RTN4: variants seen among roughly 807,000 people sequenced by gnomAD.
RTN4 encodes reticulon-4.
A neutral mutation model predicts 90.4 loss-of-function variants in RTN4; 32 were observed. The observed-to-expected ratio is 0.35, with a 90% confidence interval of 0.27 to 0.48. The LOEUF is 0.48. RTN4 is among the 20% of genes least tolerant of loss of function. RTN4 has a pLI of 0.99. For synonymous variants in RTN4, 629 were observed against 552.5 expected (o/e 1.14, Z -1.94); for missense variants, 1,706 against 1,430.2 (o/e 1.19, Z -3.11).
intron 2 of RTN4, among the ~76,000 whole-genome samples, chr2:55,074,438 G>C (rs1668566235): frequency 6.6e-6 from 1 of 151,306 alleles, no homozygotes; most frequent in South Asian, 2.1e-4. Flanking sequence ...TGGAGGTTGA[G>C]GCTTCAATGA....
Position 55,050,083 on chromosome 2 carries a change from G to A in RTN4, c.218C>T (p.Ala73Val), listed in dbSNP as rs773931824. 2 of 1,459,356 alleles carry A rather than the reference G, an allele frequency of 1.4e-6. No homozygotes were observed. The highest frequency in any genetic ancestry group is 1.8e-6 in the Non-Finnish European group (2 of 1,111,172). The allele number at this position is 1,459,356 out of a possible 1,614,324, so 90.4% of individuals were successfully genotyped here. The change falls in exon 1 of 9, where the codon GCC becomes GTC. Residue 73 changes from alanine (A) to valine (V), a missense_variant. Coordinates refer to ENST00000337526, the MANE Select transcript of RTN4 (RefSeq NM_020532.5). This position sits in a 1 kb window ranked among gnomAD's most constrained non-coding sequence, Gnocchi z 4.6. ...LSAAPVPTAP[A>V]AGAPLMDFGN... ...GAAGTCCATCAGGGGCGCGCCGGCG[G>A]CAGGGGCGGTGGGCACTGGGGCCGC...
In RTN4 at chr2:54,987,692, T is replaced by A; in HGVS notation, c.3020A>T (p.Asp1007Val). Residue 1007 changes from aspartate to valine, a missense_variant, in exon 4 of 9, where the codon GAC becomes GTC. Transcript: ENST00000337526. ...CTTAATGTCTCTCCAGTACAGGAGG[T>A]CAACAACTAAAAATTGAAAAAGAAA... ...SAELSKTSVV[D>V]LLYWRDIKKT... 6.2e-7 allele frequency: 1 copy of A among 1,611,274 alleles called. No homozygotes were observed. The highest frequency in any genetic ancestry group is 8.5e-7 in the Non-Finnish European group (1 of 1,178,052).
intron 2 of RTN4, among the ~76,000 whole-genome samples, chr2:55,067,786 C>A (rs1371541740): frequency 6.6e-6 from 1 of 152,128 alleles, no homozygotes; most frequent in Non-Finnish European, 1.5e-5. Context: ...TTACACTCTT[C>A]CGTGCTGTGG....
chr2:55,116,948 T>A (rs571897617), upstream of RTN4, among the ~76,000 whole-genome samples: 1 of 149,662 alleles, frequency 6.7e-6, no homozygotes, highest in South Asian at 2.1e-4. Context: ...ATCTTGGCTG[T>A]CTGCAACCTC....
intron 3 of RTN4, among the ~76,000 whole-genome samples, chr2:55,005,413 A>C (rs1680140553): frequency 6.6e-6 from 1 of 152,188 alleles, no homozygotes; most frequent in African/African-American, 2.4e-5. Flanking sequence ...ATGAGTTAAC[A>C]CTGACGAAAT....
chr2:55,120,847 C>T, the RTN4 span, among the ~76,000 whole-genome samples: 1 of 152,172 alleles, frequency 6.6e-6, no homozygotes, highest in Non-Finnish European at 1.5e-5. Flanking sequence ...AAGAAAAGCT[C>T]GGGTCTCCGG....
chr2:55,010,231 C>G (rs73936804), intron 3 of RTN4: 4 of 1,577,716 alleles, frequency 2.5e-6, no homozygotes, highest in Non-Finnish European at 3.4e-6. Context: ...TTTCCTCAAC[C>G]GAAGTCTGCA....
At position 55,027,285 on chromosome 2, in the gene RTN4, C is replaced by T. The variant is rs1417226741; in HGVS notation, c.814G>A (p.Ala272Thr). ...GCCTTCTCTGAGACCTCTTTAGAAG[C>T]TTCACTGACATTTTCTTGAAGTGTT... ...EGTLQENVSE[A>T]SKEVSEKAKT... Residue 272 changes from alanine (A) to threonine (T), a missense_variant, in exon 3 of 9, where the codon GCT becomes ACT. Coordinates refer to ENST00000337526, the MANE Select transcript of RTN4 (RefSeq NM_020532.5). 2 of 1,613,550 alleles carry T rather than the reference C, an allele frequency of 1.2e-6. No individual in the cohort carries two copies. Among genetic ancestry groups the T allele is most frequent in the Middle Eastern group, 1.6e-4 (1 of 6,080 alleles).
At chr2:54,983,509 CTA>C (rs914245860) in intron 4 of RTN4, among the ~76,000 whole-genome samples, 1 of 152,098 alleles carries the variant, frequency 6.6e-6, no homozygotes, top group Non-Finnish European at 1.5e-5. Flanking sequence ...CATAACCTCC[CTA>C]TGTCTCAGGA....
intron 1 of RTN4, chr2:55,049,053 G>A: frequency 1.0e-6 from 1 of 964,892 alleles, no homozygotes. Flanking sequence ...CACACCCCGG[G>A]GAGCTGGGCG....
chr2:54,987,364 G>T, intron 4 of RTN4, 127 bp downstream of exon 4: 1 of 754,490 alleles, frequency 1.3e-6, no homozygotes, highest in Non-Finnish European at 2.2e-6. Flanking sequence ...TATAGCTCAA[G>T]CAAATAACTG....
rs199985801 is a variant in RTN4 at position 54,973,114 on chromosome 2, T to G, written c.*42A>C. 14 of 1,538,192 alleles carry G rather than the reference T, an allele frequency of 9.1e-6. No individual in the cohort carries two copies. The highest frequency in any genetic ancestry group is 1.3e-5 in the Non-Finnish European group (14 of 1,114,958). On this transcript the variant is annotated 3_prime_UTR_variant, in exon 9 of 9. Transcript: ENST00000337526. ...CCTCCCCCGTATAATCAAATGAATA[T>G]CCCCTTTAAAGATGAACTCCTACTA... is the stretch of plus-strand genomic sequence containing the variant.
In RTN4 at chr2:55,025,297, G is replaced by A; in HGVS notation, c.2802C>T (p.Phe934=). 6.2e-7 allele frequency: 1 copy of A among 1,613,922 alleles called. No homozygotes were observed. Among genetic ancestry groups the A allele is most frequent in the African/African-American group, 1.3e-5 (1 of 75,022 alleles). ...ACCCATTTTTAGAAAAGTCATCTGA[G>A]AAACTGATTTTCTCTTCAACTTTGG... ...IQPKVEEKIS[F]SDDFSKNGSA... Residue 934 remains phenylalanine, a synonymous_variant, in exon 3 of 9, where the codon TTC becomes TTT. Transcript: ENST00000337526.
chr2:54,980,522 A>C (rs935805707), intron 5 of RTN4, among the ~76,000 whole-genome samples: 36 of 152,364 alleles, frequency 2.4e-4, no homozygotes, highest in African/African-American at 6.0e-4. Flanking sequence ...TTCTCTCAAG[A>C]AAAATGTTAA....
intron 2 of RTN4, among the ~76,000 whole-genome samples, chr2:55,059,034 G>A (rs1404073891): frequency 6.6e-6 from 1 of 152,038 alleles, no homozygotes; most frequent in Non-Finnish European, 1.5e-5. Flanking sequence ...AGAAGGTAGT[G>A]TGATACCTAG....
intron 2 of RTN4, among the ~76,000 whole-genome samples, chr2:55,068,322 A>G (rs1668430344): frequency 6.6e-6 from 1 of 152,160 alleles, no homozygotes; most frequent in Non-Finnish European, 1.5e-5. Flanking sequence ...TAGTAACATC[A>G]TATTGAAAAT....
chr2:55,037,666 C>T (rs923910454), intron 1 of RTN4, among the ~76,000 whole-genome samples: 7 of 152,280 alleles, frequency 4.6e-5, no homozygotes, highest in African/African-American at 1.7e-4. Context: ...CTATGACAGG[C>T]TAACTTGTTA....
At position 55,071,397 on chromosome 2, in the gene RTN4, A is replaced by C. The variant is rs1668510008; in HGVS notation, c.-63+9092T>G. On this transcript the variant is annotated intron_variant, in intron 2 of 3. Transcript: ENST00000427710. Reference sequence around the variant, plus strand: ...GAAAAGTGCTTTGAAAGTTAAAAGAAAATGTAACCAGACATAACTAAGTCA... The same window carrying C: ...GAAAAGTGCTTTGAAAGTTAAAAGACAATGTAACCAGACATAACTAAGTCA... 2.0e-5 allele frequency among the ~76,000 whole-genome samples: 3 copies of C among 152,144 alleles called. No individual in the cohort carries two copies. In the South Asian group the frequency reaches 6.2e-4, roughly 31 times the overall value.
At position 55,049,894 on chromosome 2, in the gene RTN4, T is replaced by G. The variant is rs1668003121; in HGVS notation, c.407A>C (p.Asp136Ala). Residue 136 changes from aspartate (D) to alanine (A), a missense_variant, in exon 1 of 9, where the codon GAC (aspartate) becomes GCC (alanine). Transcript: ENST00000337526. ...AAVSPSKLPE[D>A]DEPPARPPPP... Reference sequence around the variant, plus strand: ...GGGAGGCCGGGCCGGAGGCTCGTCGTCCTCAGGGAGCTTGGAGGGCGAGAC... The same window carrying G: ...GGGAGGCCGGGCCGGAGGCTCGTCGGCCTCAGGGAGCTTGGAGGGCGAGAC... The G allele has an allele frequency of 3.0e-6, 4 of 1,326,502 alleles. No individual in the cohort carries two copies. The East Asian group carries it at 9.4e-5, about 31-fold the overall frequency. 82.2% of individuals were successfully genotyped at this position (1,326,502 alleles called of 1,614,324 possible). A position where few individuals can be genotyped will look rare whatever the true frequency, so the allele number is the denominator to read the frequency against.
Sources: allele counts gnomAD v4.1 joint callset (sites outside exome capture counted in the v4.1 genomes callset), GRCh38; gene constraint gnomAD v4.1.1; non-coding constraint Gnocchi (gnomAD v3.1); transcripts MANE v1.5; gene names NCBI Gene and HGNC (gene_info 2026-07-23, HGNC 2026-07-21).